Variants in ITGA8 observed in about 807,000 individuals in gnomAD.
ITGA8 encodes the protein integrin subunit alpha 8.
Under a neutral mutation model 142.3 loss-of-function variants are expected in ITGA8, and 91 were observed. The observed-to-expected ratio is 0.64, with a 90% CI of 0.54 to 0.76. The LOEUF (loss-of-function observed/expected upper bound fraction) is 0.76, where lower values mean the gene tolerates loss of function less well. ITGA8 is among the 30% of genes least tolerant of loss of function. The pLI is 0.00. For synonymous variants in ITGA8, 505 were observed against 485.2 expected (o/e 1.04, Z -0.54); for missense variants, 1,406 against 1,327.7 (o/e 1.06, Z -0.92).
chr10:15,587,110 A>T (rs1027927263), intron 22 of ITGA8, among the ~76,000 whole-genome samples: 3 of 151,930 alleles, frequency 2.0e-5, no homozygotes, highest in African/African-American at 4.8e-5. Context: ...TTTAGTAAAG[A>T]CGGGGTTTCA....
At position 15,548,548 on chromosome 10, in the gene ITGA8, A is replaced by G. The variant is rs1353050526; in HGVS notation, c.2787T>C (p.Cys929=). ...GTCCCACTGCACAGGAGATTTGTAA[A>G]CACTCGATATTTGTACAATTCTGCA... The part of the protein sequence containing the change: ...AKILNCTNIE[C]LQISCAVGRL... The change falls in exon 27 of 30, where the codon TGT becomes TGC. Residue 929 remains cysteine, a synonymous_variant. Coordinates refer to ENST00000378076, the MANE Select transcript of ITGA8 (RefSeq NM_003638.3). The G allele has an allele frequency of 1.9e-6, 3 of 1,610,960 alleles. No homozygotes were observed. The highest frequency in any genetic ancestry group is 1.1e-5 in the South Asian group (1 of 90,546).
chr10:15,551,040 T>A (rs1833784821), intron 26 of ITGA8, among the ~76,000 whole-genome samples: 1 of 151,864 alleles, frequency 6.6e-6, no homozygotes, highest in Non-Finnish European at 1.5e-5. Context: ...TGGAGAAGAA[T>A]GGGGTGGATG....
At chr10:15,702,413 C>G (rs1835181353) in intron 2 of ITGA8, among the ~76,000 whole-genome samples, 1 of 152,046 alleles carries the variant, frequency 6.6e-6, no homozygotes, top group Admixed American at 6.6e-5. Flanking sequence ...GCCTCAGCCT[C>G]CCGAGTACCT....
chr10:15,657,270 T>C (rs1834201910), intron 10 of ITGA8, among the ~76,000 whole-genome samples: 1 of 152,174 alleles, frequency 6.6e-6, no homozygotes, highest in Non-Finnish European at 1.5e-5. Flanking sequence ...CATTGCTAGA[T>C]TCTCATTCAC....
Position 15,677,578 on chromosome 10 carries a change from C to T in ITGA8, c.676+14G>A, listed in dbSNP as rs745867015. The T allele has an allele frequency of 1.2e-6, 2 of 1,610,560 alleles. No homozygotes were observed. On this transcript the variant is annotated intron_variant, in intron 6 of 29. Coordinates refer to ENST00000378076, the MANE Select transcript of ITGA8 (RefSeq NM_003638.3). ...ACAACAAATGTGCTTTTCTTGTCTG[C>T]CAACAGAACATACCTTGCCAGTAGA...
intron 28 of ITGA8, 63 bp from the exon 29 acceptor site, chr10:15,519,475 A>G: frequency 7.8e-6 from 12 of 1,532,078 alleles, no homozygotes; most frequent in Non-Finnish European, 1.1e-5. Flanking sequence ...ATAAAATAGT[A>G]ATTACCAGTA....
intron 27 of ITGA8, among the ~76,000 whole-genome samples, chr10:15,533,860 T>C (rs1388749742): frequency 6.6e-6 from 1 of 152,180 alleles, no homozygotes; most frequent in Non-Finnish European, 1.5e-5. Context: ...TTGCCCTTCC[T>C]GCTGTTGGCT....
At chr10:15,640,031 A>G (rs1197138037) in intron 13 of ITGA8, among the ~76,000 whole-genome samples, 1 of 152,192 alleles carries the variant, frequency 6.6e-6, no homozygotes, top group African/African-American at 2.4e-5. Flanking sequence ...CAAGTGAGAC[A>G]TGAGGTTTCA....
intron 25 of ITGA8, among the ~76,000 whole-genome samples, chr10:15,562,981 A>C (rs1022227645): frequency 6.6e-6 from 1 of 152,194 alleles, no homozygotes; most frequent in African/African-American, 2.4e-5. Flanking sequence ...GGGCCATCCC[A>C]TTGGCGCTAA....
intron 11 of ITGA8, among the ~76,000 whole-genome samples, chr10:15,651,192 G>C (rs949042865): frequency 6.6e-6 from 1 of 151,580 alleles, no homozygotes; most frequent in African/African-American, 2.4e-5. Context: ...CTCAAAAGCC[G>C]TAAGAAAAAA....
intron 28 of ITGA8, among the ~76,000 whole-genome samples, chr10:15,527,273 G>A (rs1302533489): frequency 2.6e-5 from 4 of 152,142 alleles, no homozygotes; most frequent in African/African-American, 9.7e-5. Flanking sequence ...AGGTATTAAG[G>A]TGCAGAAGTT....
chr10:15,689,031 T>A (rs1834884147), intron 2 of ITGA8, among the ~76,000 whole-genome samples: 1 of 152,034 alleles, frequency 6.6e-6, no homozygotes, highest in Non-Finnish European at 1.5e-5. Context: ...GACATCCAAA[T>A]CAGAAAAGAA....
chr10:15,536,668 A>G (rs1033915536), intron 27 of ITGA8, among the ~76,000 whole-genome samples: 3 of 152,302 alleles, frequency 2.0e-5, no homozygotes, highest in Admixed American at 1.3e-4. Flanking sequence ...AACAATGAGG[A>G]CCTTCGTCTT....
intron 21 of ITGA8, among the ~76,000 whole-genome samples, chr10:15,593,839 AT>A (rs35907545): frequency 0.054 from 7,355 of 137,056 alleles, 177 homozygotes; most frequent in African/African-American, 0.088. Flanking sequence ...CCCAGCAAAG[AT>A]TTTTTTTTTT....
intron 3 of ITGA8, among the ~76,000 whole-genome samples, chr10:15,685,286 T>C (rs1213197923): frequency 6.6e-6 from 1 of 152,198 alleles, no homozygotes; most frequent in Non-Finnish European, 1.5e-5. Context: ...AAATGCCCTC[T>C]CCATTCTAAG....
chr10:15,519,490 A>G (rs1401233494), intron 28 of ITGA8, 78 bp from the exon 29 acceptor site: 6 of 1,468,622 alleles, frequency 4.1e-6, no homozygotes, highest in Non-Finnish European at 5.7e-6. Context: ...CCAGTACAAC[A>G]TCGGAAGTTG....
intron 27 of ITGA8, among the ~76,000 whole-genome samples, chr10:15,544,823 G>A (rs1833639029): frequency 6.6e-6 from 1 of 152,156 alleles, no homozygotes; most frequent in Admixed American, 6.5e-5. Flanking sequence ...AAATATGTAA[G>A]AGCCTTGGCA....
chr10:15,646,857 T>A lies in ITGA8; in HGVS notation c.1196A>T (p.Asp399Val), dbSNP rs773136780. Residue 399 changes from aspartate (D) to valine (V), a missense_variant, in exon 12 of 30, where the codon GAT becomes GTT. Asp to Val is a radical substitution (Grantham distance 152). Transcript: ENST00000378076. ...TTGGTTTAAATTACCATTGTATCCATCTTGGTTCAGGTCTCCTAAGTGTGC... is the reference window on the plus strand; with the variant it reads ...TTGGTTTAAATTACCATTGTATCCAACTTGGTTCAGGTCTCCTAAGTGTGC... Reference protein sequence around the residue: ...AMAHLGDLNQDGYNDIAIGVP... With the variant: ...AMAHLGDLNQVGYNDIAIGVP... The A allele has an allele frequency of 6.2e-7, 1 of 1,613,832 alleles. No homozygotes were observed. The highest frequency in any genetic ancestry group is 8.5e-7 in the Non-Finnish European group (1 of 1,179,810).
At chr10:15,576,798 A>C (rs1834306084) in intron 23 of ITGA8, among the ~76,000 whole-genome samples, 1 of 152,252 alleles carries the variant, frequency 6.6e-6, no homozygotes, top group South Asian at 2.1e-4. Context: ...TCTAGGAATG[A>C]GTACATTTTA....
Sources: allele counts gnomAD v4.1 joint callset (sites outside exome capture counted in the v4.1 genomes callset), GRCh38; gene constraint gnomAD v4.1.1; transcripts MANE v1.5; gene names NCBI Gene and HGNC (gene_info 2026-07-23, HGNC 2026-07-21).